Variants in ADGRL3 observed in about 807,000 individuals in gnomAD.
ADGRL3 encodes the protein calcium-independent alpha-latrotoxin receptor 3.
Under a neutral mutation model 153.5 loss-of-function variants are expected in ADGRL3, and 62 were observed. That is an observed-to-expected ratio of 0.40 (90% confidence interval 0.33 to 0.50). The LOEUF (loss-of-function observed/expected upper bound fraction) is 0.50. Ranked by LOEUF, ADGRL3 falls within the 20% of genes least tolerant of loss-of-function variation. The pLI is 0.47. For missense variants in ADGRL3, 1,641 were observed against 1,859.4 expected (o/e 0.88, Z 2.16); for synonymous variants, 710 against 672.5 (o/e 1.06, Z -0.86).
chr4:61,303,079 A>C (rs1392491287), intron 1 of ADGRL3, among the ~76,000 whole-genome samples: 1 of 152,194 alleles, frequency 6.6e-6, no homozygotes. Flanking sequence ...TGAATTAATG[A>C]GTAGAAATAT....
rs540500214 is a variant in ADGRL3 at position 61,601,755 on chromosome 4, C to T, written c.473+14315C>T. 7.9e-5 allele frequency among the ~76,000 whole-genome samples: 12 copies of T among 152,198 alleles called. No individual in the cohort carries two copies. The South Asian group carries it at 2.3e-3, about 29-fold the overall frequency. On this transcript the variant is annotated intron_variant, in intron 5 of 26. Transcript: ENST00000683033. ...GTGGCCGTTCTGCTAAGGAAGACAA[C>T]ATAATTGTTTTTGAAAAGATTTTCA... is the stretch of plus-strand genomic sequence containing the variant.
At chr4:61,241,753 A>C (rs1455137597) in intron 1 of ADGRL3, among the ~76,000 whole-genome samples, 1 of 151,940 alleles carries the variant, frequency 6.6e-6, no homozygotes, top group Non-Finnish European at 1.5e-5. Flanking sequence ...TTCAGACACC[A>C]CTGACTCTTA....
intron 1 of ADGRL3, among the ~76,000 whole-genome samples, chr4:61,381,366 C>T (rs2096666677): frequency 6.7e-6 from 1 of 148,820 alleles, no homozygotes; most frequent in African/African-American, 2.5e-5. Flanking sequence ...TTTGTTTACC[C>T]AGTCAGCATT....
At chr4:61,627,426 G>A (rs923901607) in intron 5 of ADGRL3, among the ~76,000 whole-genome samples, 1 of 151,920 alleles carries the variant, frequency 6.6e-6, no homozygotes, top group Non-Finnish European at 1.5e-5. Context: ...ACCAACCATG[G>A]TCTGGCCAAC....
At chr4:61,979,850 A>G in intron 18 of ADGRL3, 78 bp downstream of exon 18, 1 of 1,183,368 alleles carries the variant, frequency 8.5e-7, no homozygotes, top group Non-Finnish European at 1.2e-6. Flanking sequence ...AAAAATACTT[A>G]TGTTTGAAAG....
At chr4:61,388,331 A>G (rs551079566) in intron 2 of ADGRL3, among the ~76,000 whole-genome samples, 1 of 152,328 alleles carries the variant, frequency 6.6e-6, no homozygotes, top group East Asian at 1.9e-4. Context: ...AATACACTAC[A>G]GTTTTTTGAG....
At chr4:62,039,873 C>T (rs1220270595) in intron 24 of ADGRL3, among the ~76,000 whole-genome samples, 1 of 152,088 alleles carries the variant, frequency 6.6e-6, no homozygotes, top group Non-Finnish European at 1.5e-5. Flanking sequence ...TCATCAGCTA[C>T]CATCCGATAG....
intron 5 of ADGRL3, among the ~76,000 whole-genome samples, chr4:61,674,320 A>G (rs975848168): frequency 2.6e-5 from 4 of 151,746 alleles, no homozygotes; most frequent in African/African-American, 7.2e-5. Context: ...TTTAACTATT[A>G]TGCTCTGGTC....
At chr4:61,647,867 G>T (rs1446318366) in intron 5 of ADGRL3, among the ~76,000 whole-genome samples, 1 of 151,610 alleles carries the variant, frequency 6.6e-6, no homozygotes, top group Non-Finnish European at 1.5e-5. Flanking sequence ...TTCTTTCATG[G>T]CCTCTCAGAT....
At chr4:61,948,845 C>T (rs942814137) in intron 17 of ADGRL3, among the ~76,000 whole-genome samples, 2 of 152,062 alleles carry the variant, frequency 1.3e-5, no homozygotes, top group African/African-American at 4.8e-5. Context: ...CATCAATTTC[C>T]TCCCAGTGTG....
chr4:61,262,469 A>T (rs937061850), intron 1 of ADGRL3, among the ~76,000 whole-genome samples: 7 of 151,798 alleles, frequency 4.6e-5, no homozygotes, highest in East Asian at 3.9e-4. Context: ...ACTCTTTTTT[A>T]AAAAAATTGG....
intron 5 of ADGRL3, among the ~76,000 whole-genome samples, chr4:61,646,929 A>T: frequency 6.6e-6 from 1 of 151,858 alleles, no homozygotes; most frequent in Non-Finnish European, 1.5e-5. Context: ...AATCAGCGAG[A>T]CTCCGTGGGC....
chr4:61,792,738 T>A (rs566906412), intron 8 of ADGRL3, among the ~76,000 whole-genome samples: 1 of 152,164 alleles, frequency 6.6e-6, no homozygotes, highest in East Asian at 1.9e-4. Flanking sequence ...TCTGCCCGCC[T>A]CAGCCTCCCA....
rs2098745094 is a variant in ADGRL3 at position 61,916,366 on chromosome 4, C to T, written c.2112+3609C>T. Among the ~76,000 whole-genome samples, 4 of 152,216 alleles carry T rather than the reference C, an allele frequency of 2.6e-5. No individual in the cohort carries two copies. The South Asian group carries it at 8.3e-4, about 32-fold the overall frequency. ...TACTTCCATATCTTAGACACAATGA[C>T]ATGGGCCTACATAGCCCCAGCTACT... On this transcript the variant is annotated intron_variant, in intron 13 of 26. Coordinates refer to ENST00000683033, the MANE Select transcript of ADGRL3 (RefSeq NM_001387552.1).
At chr4:61,590,594 G>T (rs1018356110) in intron 5 of ADGRL3, among the ~76,000 whole-genome samples, 2 of 152,044 alleles carry the variant, frequency 1.3e-5, no homozygotes, top group Non-Finnish European at 2.9e-5. Context: ...GGATAAATAA[G>T]TTAGTCGTGT....
At chr4:61,510,661 G>A (rs539155364) in intron 3 of ADGRL3, among the ~76,000 whole-genome samples, 2 of 152,234 alleles carry the variant, frequency 1.3e-5, no homozygotes, top group South Asian at 2.1e-4. Flanking sequence ...GGTCATTGTA[G>A]CCTTATAAGA....
intron 5 of ADGRL3, among the ~76,000 whole-genome samples, chr4:61,669,096 G>T (rs1030094440): frequency 1.3e-5 from 2 of 152,164 alleles, no homozygotes; most frequent in Non-Finnish European, 2.9e-5. Context: ...TAAATTGTAA[G>T]TGGACAACGT....
At chr4:61,928,988 T>C (rs931014251) in intron 13 of ADGRL3, among the ~76,000 whole-genome samples, 5 of 152,112 alleles carry the variant, frequency 3.3e-5, no homozygotes, top group African/African-American at 1.2e-4. Context: ...TCTAAGGACA[T>C]GATAGTCTGG....
intron 1 of ADGRL3, among the ~76,000 whole-genome samples, chr4:61,258,550 A>C (rs1468725895): frequency 6.6e-6 from 1 of 152,180 alleles, no homozygotes; most frequent in Non-Finnish European, 1.5e-5. Flanking sequence ...ACTAAATGAC[A>C]TAATGCCTAG....
Sources: gnomAD v4.1 joint callset for allele counts (sites outside exome capture counted in the v4.1 genomes callset) on GRCh38, gnomAD v4.1.1 for gene constraint, MANE v1.5 for transcripts, NCBI Gene and HGNC (gene_info 2026-07-23, HGNC 2026-07-21) for gene names.